Variants in BBS4 observed in about 807,000 individuals in gnomAD.
BBS4 encodes BBSome complex member BBS4.
Under a neutral mutation model 71.4 loss-of-function variants are expected in BBS4, and 58 were observed. The observed-to-expected ratio is 0.81, with a 90% CI of 0.66 to 1.01. The LOEUF is 1.01. Among genes scored for constraint, BBS4 ranks in the 50% least tolerant of loss-of-function variants. The probability of loss-of-function intolerance (pLI) is 0.00; values close to 1 mark genes in which losing one functional copy is unlikely to be tolerated. For missense variants in BBS4, 660 were observed against 607.9 expected (o/e 1.09, Z -0.90); for synonymous variants, 228 against 216.8 (o/e 1.05, Z -0.46).
At chr15:72,731,818 G>GAGAC in intron 12 of BBS4, 92 bp downstream of exon 12, 3 of 1,475,842 alleles carry the variant, frequency 2.0e-6, no homozygotes, top group Non-Finnish European at 2.8e-6. Context: ...TGTCTCATAG[G>GAGAC]AGCCATTCCC....
chr15:72,701,734 A>AT (rs1156332878), intron 2 of BBS4, among the ~76,000 whole-genome samples: 1 of 152,168 alleles, frequency 6.6e-6, no homozygotes, highest in African/African-American at 2.4e-5. Context: ...GTAAGTATGT[A>AT]TTTTTAAGAA....
intron 1 of BBS4, among the ~76,000 whole-genome samples, chr15:72,691,092 C>T (rs1182628658): frequency 6.6e-6 from 1 of 152,068 alleles, no homozygotes; most frequent in Admixed American, 6.6e-5. Context: ...TCAAGTGATC[C>T]TTCCACCTCA....
intron 8 of BBS4, 59 bp from the exon 9 acceptor site, chr15:72,727,881 A>C: frequency 7.9e-7 from 1 of 1,271,902 alleles, no homozygotes; most frequent in Non-Finnish European, 1.2e-6. Context: ...ATTACTGTGC[A>C]TGTGTCTTCG....
At chr15:72,728,138 C>T (rs1023080783) in intron 9 of BBS4, 144 bp downstream of exon 9, 1 of 658,068 alleles carries the variant, frequency 1.5e-6, no homozygotes, top group African/African-American at 1.8e-5. Flanking sequence ...ATTCGATACT[C>T]TTTGCTAAAG....
At chr15:72,709,845 C>A in intron 3 of BBS4, 66 bp downstream of exon 3, 1 of 1,320,304 alleles carries the variant, frequency 7.6e-7, no homozygotes, top group South Asian at 1.2e-5. Context: ...ACAGTGCCTG[C>A]TAAACAGAGT....
intron 2 of BBS4, among the ~76,000 whole-genome samples, chr15:72,704,241 A>G (rs1426997909): frequency 2.6e-5 from 4 of 152,162 alleles, no homozygotes; most frequent in African/African-American, 9.7e-5. Flanking sequence ...TCAGCTGGCT[A>G]CCTGACCTCT....
chr15:72,722,677 ATAGTT>A (rs755686490), intron 6 of BBS4, 112 bp from the exon 7 acceptor site: 69 of 870,774 alleles, frequency 7.9e-5, no homozygotes, highest in Middle Eastern at 5.1e-4. Flanking sequence ...ACTGTAATGC[ATAGTT>A]TAAAGTTTAA....
intron 14 of BBS4, 142 bp from the exon 15 acceptor site, chr15:72,736,619 GT>G (rs2065929488): frequency 2.5e-6 from 2 of 785,104 alleles, no homozygotes; most frequent in Admixed American, 4.0e-5. Flanking sequence ...AATCTCTACT[GT>G]TTGATAAGTA....
intron 2 of BBS4, among the ~76,000 whole-genome samples, chr15:72,707,177 C>CTTTTTTTTTT (rs756415809): frequency 7.6e-6 from 1 of 132,426 alleles, no homozygotes; most frequent in Non-Finnish European, 1.6e-5. Context: ...TTCCTTTTTT[C>CTTTTTTTTTT]TTTTCTTTTT....
chr15:72,696,281 G>A (rs1369016925), intron 2 of BBS4, among the ~76,000 whole-genome samples: 1 of 152,042 alleles, frequency 6.6e-6, no homozygotes, highest in Non-Finnish European at 1.5e-5. Context: ...AGTCTACTTT[G>A]CCTGATAATA....
At chr15:72,718,623 C>T (rs117671698) in intron 6 of BBS4, among the ~76,000 whole-genome samples, 1,906 of 152,224 alleles carry the variant, frequency 0.013, 21 homozygotes, top group Non-Finnish European at 0.021. Context: ...TAGCTAACAG[C>T]CAGAGTGAAA....
chr15:72,701,783 C>T lies in BBS4; in HGVS notation c.76+6555C>T, dbSNP rs112718873. ...TTTTTAAAAATCATTTGAAAGTCTT[C>T]CTACTTTGATATATGAAAAACACTG... On this transcript the variant is annotated intron_variant, in intron 2 of 15. Transcript: ENST00000268057. Among the ~76,000 whole-genome samples, 327 of 152,062 alleles carry T rather than the reference C, an allele frequency of 2.2e-3. 2 individuals carry two copies. The highest frequency in any genetic ancestry group is 7.1e-3 in the African/African-American group (296 of 41,492).
intron 4 of BBS4, among the ~76,000 whole-genome samples, chr15:72,714,220 C>CTTTTTTTTTTTTTTTTTTTTTTTTTTTTT (rs58123834): frequency 2.0e-5 from 2 of 98,448 alleles, no homozygotes; most frequent in Non-Finnish European, 3.7e-5. Flanking sequence ...CACTCACTTA[C>CTTTTTTTTTTTTTTTTTTTTTTTTTTTTT]TTTTTTTTTT....
intron 2 of BBS4, among the ~76,000 whole-genome samples, chr15:72,709,031 TTC>T (rs1441490350): frequency 1.3e-5 from 2 of 152,232 alleles, no homozygotes; most frequent in African/African-American, 2.4e-5. Flanking sequence ...TATCAGGAGT[TTC>T]TGATTTTGCC....
intron 13 of BBS4, 163 bp from the exon 14 acceptor site, chr15:72,735,662 A>G: frequency 1.1e-6 from 1 of 903,874 alleles, no homozygotes; most frequent in Admixed American, 1.8e-5. Context: ...TAACTCCTTG[A>G]TTCTTCTCCA....
At chr15:72,703,053 C>T (rs1037515858) in intron 2 of BBS4, among the ~76,000 whole-genome samples, 4 of 151,516 alleles carry the variant, frequency 2.6e-5, no homozygotes, top group Non-Finnish European at 5.9e-5. Flanking sequence ...CCTCGTGATC[C>T]GCCCGCCTCG....
At chr15:72,719,089 G>T (rs1364638364) in intron 6 of BBS4, among the ~76,000 whole-genome samples, 1 of 151,922 alleles carries the variant, frequency 6.6e-6, no homozygotes, top group Non-Finnish European at 1.5e-5. Context: ...GTTTGAGACG[G>T]CACAGGAAAA....
chr15:72,709,644 C>G (rs1241854354), intron 2 of BBS4, 56 bp from the exon 3 acceptor site: 2 of 1,314,582 alleles, frequency 1.5e-6, no homozygotes, highest in Non-Finnish European at 2.2e-6. Context: ...GAGGACAGTG[C>G]TAAAGGAGAA....
At chr15:72,732,350 C>T (rs540653407) in intron 12 of BBS4, among the ~76,000 whole-genome samples, 1 of 152,102 alleles carries the variant, frequency 6.6e-6, no homozygotes, top group Non-Finnish European at 1.5e-5. Flanking sequence ...CATTTTATGC[C>T]ATGCAAATAC....
Sources: gnomAD v4.1 joint callset for allele counts (sites outside exome capture counted in the v4.1 genomes callset) on GRCh38, gnomAD v4.1.1 for gene constraint, MANE v1.5 for transcripts, NCBI Gene and HGNC (gene_info 2026-07-23, HGNC 2026-07-21) for gene names.